The following PCDHGB6 variants were observed in gnomAD, a reference collection of about 807,000 sequenced individuals.
The protein encoded by PCDHGB6 is protocadherin gamma subfamily B, 6.
PCDHGB6 carries 51 observed loss-of-function variants against 59.1 expected under a neutral mutation model. That is an observed-to-expected ratio of 0.86 (90% confidence interval 0.69 to 1.09). The LOEUF is 1.09. Ranked by LOEUF, PCDHGB6 falls within the 50% of genes least tolerant of loss-of-function variation. The pLI is 0.00. For synonymous variants in PCDHGB6, 466 were observed against 495.1 expected (o/e 0.94, Z 0.78); for missense variants, 1,148 against 1,205.1 (o/e 0.95, Z 0.70).
chr5:141,438,635 TACACACACACACACAC>T (rs56854727), intron 1 of PCDHGB6, among the ~76,000 whole-genome samples: 7 of 33,414 alleles, frequency 2.1e-4, no homozygotes, highest in Non-Finnish European at 3.7e-4. Flanking sequence ...TATATATATA[TACACACACACACACAC>T]ATATATGTAT....
intron 1 of PCDHGB6, chr5:141,416,991 T>A (rs1052950610): frequency 2.0e-5 from 3 of 151,906 alleles, no homozygotes; most frequent in Non-Finnish European, 4.4e-5. Context: ...TTATTGTGCA[T>A]TCATCTCAAA....
At chr5:141,454,625 C>T (rs1193628253) in intron 1 of PCDHGB6, among the ~76,000 whole-genome samples, 2 of 151,512 alleles carry the variant, frequency 1.3e-5, no homozygotes, top group East Asian at 1.9e-4. Flanking sequence ...AGGCTGGTCT[C>T]GAACCCCCAA....
At chr5:141,498,321 G>A (rs1477684617) in intron 2 of PCDHGB6, among the ~76,000 whole-genome samples, 2 of 151,722 alleles carry the variant, frequency 1.3e-5, no homozygotes, top group Non-Finnish European at 2.9e-5. Flanking sequence ...CTACACAGAA[G>A]GAAGAGCATT....
At chr5:141,413,020 C>G in intron 1 of PCDHGB6, 7 of 693,768 alleles carry the variant, frequency 1.0e-5, no homozygotes, top group Non-Finnish European at 1.4e-5. Context: ...CTACACAAGC[C>G]CCACAAACCG....
At position 141,490,561 on chromosome 5, in the gene PCDHGB6, A is replaced by C. The variant is rs2099701634; in HGVS notation, c.2419-4246A>C. The stretch of plus-strand genomic sequence containing the variant: ...TTCCCTACACAAACATCTCACCATC[A>C]GGCTCAACATTTCAGATGTCAATGA... On this transcript the variant is annotated intron_variant, in intron 1 of 3. Transcript: ENST00000520790. The surrounding 1 kb of genome is among the most constrained non-coding windows in gnomAD (Gnocchi z 5.4). The C allele has an allele frequency of 1.2e-6, 2 of 1,614,090 alleles. No homozygotes were observed. The highest frequency in any genetic ancestry group is 1.7e-4 in the Middle Eastern group (1 of 6,060).
intron 1 of PCDHGB6, among the ~76,000 whole-genome samples, chr5:141,462,030 T>C (rs1283795051): frequency 3.9e-5 from 6 of 152,122 alleles, no homozygotes; most frequent in Non-Finnish European, 8.8e-5. Flanking sequence ...TTCATGTTGG[T>C]CAGGCGGGTC....
Position 141,487,548 on chromosome 5 carries a change from G to T in PCDHGB6, c.2419-7259G>T. The T allele has an allele frequency of 6.2e-7, 1 of 1,614,190 alleles. No homozygotes were observed. Among genetic ancestry groups the T allele is most frequent in the Non-Finnish European group, 8.5e-7 (1 of 1,180,038 alleles). ...AGCTTCATGATGGTGAAGTCACCCA[G>T]TGCACCTATGGCAGGGGAGCCTGTT... is the stretch of plus-strand genomic sequence containing the variant. On this transcript the variant is annotated intron_variant, in intron 1 of 3. Coordinates refer to ENST00000520790, the MANE Select transcript of PCDHGB6 (RefSeq NM_018926.3). The surrounding 1 kb of genome is among the most constrained non-coding windows in gnomAD (Gnocchi z 5.0).
At chr5:141,428,020 C>T (rs1443722620) in intron 1 of PCDHGB6, 1 of 1,605,408 alleles carries the variant, frequency 6.2e-7, no homozygotes, top group Admixed American at 1.7e-5. Context: ...GTGCCACGCG[C>T]CGCAGAGTCC....
At chr5:141,504,182 C>A (rs2099836345) in intron 2 of PCDHGB6, among the ~76,000 whole-genome samples, 1 of 152,234 alleles carries the variant, frequency 6.6e-6, no homozygotes, top group Non-Finnish European at 1.5e-5. Context: ...TCAAAAAAAT[C>A]ATGAAAATTG....
At position 141,491,413 on chromosome 5, in the gene PCDHGB6, G is replaced by A. The variant is rs1193417991; in HGVS notation, c.2419-3394G>A. 5.6e-6 allele frequency: 9 copies of A among 1,613,946 alleles called. No individual in the cohort carries two copies. Among genetic ancestry groups the A allele is most frequent in the Non-Finnish European group, 7.6e-6 (9 of 1,179,986 alleles). On this transcript the variant is annotated intron_variant, in intron 1 of 3. Transcript: ENST00000520790. The surrounding 1 kb of genome is among the most constrained non-coding windows in gnomAD (Gnocchi z 6.9). Reference sequence around the variant, plus strand: ...CCTTCAGGGAAACGCAGACGGGGACGGGGGTGGAGGGCAGTGCTGCAGGCG... The same window carrying A: ...CCTTCAGGGAAACGCAGACGGGGACAGGGGTGGAGGGCAGTGCTGCAGGCG...
chr5:141,500,499 G>T lies in PCDHGB6; in HGVS notation c.2478-4894G>T, dbSNP rs531501031. On this transcript the variant is annotated intron_variant, in intron 2 of 3. Transcript: ENST00000520790. ...GCTGGGATTACAGGCGTGAGCCACC[G>T]CGCCTGGCCGAGCTTCATTTTAAAA... Among the ~76,000 whole-genome samples, 24 of 152,088 alleles carry T rather than the reference G, an allele frequency of 1.6e-4. 1 individual carries two copies. In the Middle Eastern group the frequency reaches 0.01, roughly 65 times the overall value.
At position 141,419,994 on chromosome 5, in the gene PCDHGB6, C is replaced by T. The variant is rs757658202; in HGVS notation, c.2418+9374C>T. 1.9e-6 allele frequency: 3 copies of T among 1,614,072 alleles called. No homozygotes were observed. Among genetic ancestry groups the T allele is most frequent in the East Asian group, 4.5e-5 (2 of 44,884 alleles). ...CTCCTCGCGGTGATTCTAGCTATTG[C>T]TCTACGCCTGCGACAGTCTTTCAGC... On this transcript the variant is annotated intron_variant, in intron 1 of 3. Coordinates refer to ENST00000520790, the MANE Select transcript of PCDHGB6 (RefSeq NM_018926.3).
chr5:141,423,035 C>T (rs1220219512), intron 1 of PCDHGB6: 2 of 1,614,214 alleles, frequency 1.2e-6, no homozygotes, highest in Admixed American at 3.3e-5. Flanking sequence ...GGCCAGAACG[C>T]CTGGCTGTCC....
chr5:141,457,429 C>A (rs73280316), intron 1 of PCDHGB6, among the ~76,000 whole-genome samples: 7 of 152,178 alleles, frequency 4.6e-5, no homozygotes, highest in Non-Finnish European at 7.4e-5. Flanking sequence ...TTTTCCCCCC[C>A]ACCAAGCTGC....
At position 141,409,476 on chromosome 5, in the gene PCDHGB6, C is replaced by T. The variant is rs1195323775; in HGVS notation, c.1274C>T (p.Thr425Ile). The T allele has an allele frequency of 6.2e-7, 1 of 1,613,982 alleles. No individual in the cohort carries two copies. Among genetic ancestry groups the T allele is most frequent in the South Asian group, 1.1e-5 (1 of 91,084 alleles). The change falls in exon 1 of 4, where the codon ACT becomes ATT. Residue 425 changes from threonine (T) to isoleucine (I), a missense_variant. By Grantham distance (89) the Thr-to-Ile change is moderately conservative. This residue lies in a region of PCDHGB6 where 549 missense variants were observed against 527.5 expected (regional missense o/e 1.04). Transcript: ENST00000520790. The part of the protein sequence containing the change: ...TPEYNVTIVA[T>I]DRGKPPLSSS... ...GAATACAATGTCACCATCGTAGCCACTGACAGGGGCAAGCCGCCTCTTTCT... is the reference window on the plus strand; with the variant it reads ...GAATACAATGTCACCATCGTAGCCATTGACAGGGGCAAGCCGCCTCTTTCT...
intron 1 of PCDHGB6, among the ~76,000 whole-genome samples, chr5:141,436,889 G>T (rs1319754318): frequency 6.6e-6 from 1 of 152,208 alleles, no homozygotes; most frequent in Non-Finnish European, 1.5e-5. Flanking sequence ...ATGGGGGAAA[G>T]ATTTTTATAT....
chr5:141,476,727 G>A lies in PCDHGB6; in HGVS notation c.2419-18080G>A, dbSNP rs762236731. On this transcript the variant is annotated intron_variant, in intron 1 of 3. Coordinates refer to ENST00000520790, the MANE Select transcript of PCDHGB6 (RefSeq NM_018926.3). This position sits in a 1 kb window ranked among gnomAD's most constrained non-coding sequence, Gnocchi z 7.6. ...CTGGTGTTGGAGCGCGCCCTGGACC[G>A]AGAACGGGAGCCTAGTCTCCAGTTA... 5 of 1,614,108 alleles carry A rather than the reference G, an allele frequency of 3.1e-6. No individual in the cohort carries two copies. Among genetic ancestry groups the A allele is most frequent in the Non-Finnish European group, 4.2e-6 (5 of 1,180,032 alleles).
rs559433377 is a variant in PCDHGB6, at chr5:141,432,679, G to A, written c.2418+22059G>A. ...TGCTGGACAGAGACGCGCTCAAGCAGAGCCTCGTAGTGGCCGTCCAGGACC... is the reference window on the plus strand; with the variant it reads ...TGCTGGACAGAGACGCGCTCAAGCAAAGCCTCGTAGTGGCCGTCCAGGACC... On this transcript the variant is annotated intron_variant, in intron 1 of 3. Transcript: ENST00000520790. The surrounding 1 kb of genome is among the most constrained non-coding windows in gnomAD (Gnocchi z 6.0). The A allele has an allele frequency of 2.3e-4, 369 of 1,613,834 alleles. 1 individual carries two copies. The highest frequency in any genetic ancestry group is 1.7e-4 in the Middle Eastern group (1 of 6,056).
intron 1 of PCDHGB6, chr5:141,426,680 T>C (rs1261836011): frequency 2.3e-6 from 1 of 431,334 alleles, no homozygotes; most frequent in East Asian, 7.2e-5. Flanking sequence ...CACCTCATTT[T>C]CCCCAAAATA....
Sources: allele counts gnomAD v4.1 joint callset (sites outside exome capture counted in the v4.1 genomes callset), GRCh38; gene constraint gnomAD v4.1.1; regional missense constraint gnomAD v4.1.1; non-coding constraint Gnocchi (gnomAD v3.1); transcripts MANE v1.5; gene names NCBI Gene and HGNC (gene_info 2026-07-23, HGNC 2026-07-21).